The following DNAAF9 variants were observed in gnomAD, a reference collection of about 807,000 sequenced individuals.
DNAAF9 encodes the protein shulin.
A neutral mutation model predicts 167.0 loss-of-function variants in DNAAF9; 90 were observed. That is an observed-to-expected ratio of 0.54 (90% CI 0.45 to 0.64). DNAAF9 has a LOEUF of 0.64. DNAAF9 is among the 30% of genes least tolerant of loss of function. DNAAF9 has a pLI of 0.00. For missense variants in DNAAF9, 1,315 were observed against 1,442.2 expected (o/e 0.91, Z 1.43); for synonymous variants, 491 against 508.8 (o/e 0.96, Z 0.47).
intron 3 of DNAAF9, among the ~76,000 whole-genome samples, chr20:3,380,846 G>A (rs990182591): frequency 4.6e-5 from 7 of 152,242 alleles, no homozygotes; most frequent in South Asian, 2.1e-4. Context: ...GAGTGTCTCA[G>A]TGCTACGGAG....
At chr20:3,259,845 T>C in intron 32 of DNAAF9, 77 bp downstream of exon 32, 2 of 851,440 alleles carry the variant, frequency 2.3e-6, no homozygotes, top group Non-Finnish European at 4.0e-6. Context: ...CATAGAATAC[T>C]GAAATGGTAC....
rs186534298 is a variant in DNAAF9 at position 3,401,648 on chromosome 20, C to T, written c.83+5827G>A. 5.9e-5 allele frequency among the ~76,000 whole-genome samples: 9 copies of T among 152,288 alleles called. No individual in the cohort carries two copies. In the East Asian group the frequency reaches 1.5e-3, roughly 26 times the overall value. On this transcript the variant is annotated intron_variant, in intron 1 of 36. Transcript: ENST00000252032. ...TGAAGCAGTGTTTCATAATAGCTAA[C>T]AATAGCAGTTCATACTCAGCGAGTC...
In DNAAF9 at chr20:3,287,767, A is replaced by G; in HGVS notation, c.2351T>C (p.Met784Thr). 1 of 1,614,232 alleles carries G rather than the reference A, an allele frequency of 6.2e-7. No homozygotes were observed. ...CGRWMVYRQIMDSSECFHAAH... is the reference protein window; with the variant it reads ...CGRWMVYRQITDSSECFHAAH... ...AGCATGAAAACATTCAGAGCTGTCCATGATTTGGCGATACACCATCCATCT... is the reference window on the plus strand; with the variant it reads ...AGCATGAAAACATTCAGAGCTGTCCGTGATTTGGCGATACACCATCCATCT... The change falls in exon 27 of 37, where the codon ATG (methionine) becomes ACG (threonine). Residue 784 changes from methionine to threonine, a missense_variant. Physicochemically the swap from Met to Thr is moderately conservative, Grantham distance 81. Around this residue, in one of 2 missense-constraint regions of DNAAF9, gnomAD observed 981 missense variants for 1,012.5 expected, o/e 0.97. Transcript: ENST00000252032.
chr20:3,268,912 T>TTTTTTTTTTG (rs2068538696), intron 30 of DNAAF9, among the ~76,000 whole-genome samples: 1 of 140,108 alleles, frequency 7.1e-6, no homozygotes, highest in African/African-American at 2.6e-5. Flanking sequence ...TTTTTTTTTT[T>TTTTTTTTTTG]TTTTTTTTTG....
chr20:3,364,751 T>C (rs2083407988), intron 6 of DNAAF9, among the ~76,000 whole-genome samples: 1 of 152,084 alleles, frequency 6.6e-6, no homozygotes, highest in Non-Finnish European at 1.5e-5. Flanking sequence ...ATGCGAACAA[T>C]CAACTGAGCC....
At chr20:3,300,062 T>G (rs1238180960) in intron 21 of DNAAF9, among the ~76,000 whole-genome samples, 1 of 152,084 alleles carries the variant, frequency 6.6e-6, no homozygotes, top group Non-Finnish European at 1.5e-5. Flanking sequence ...GCCACCACAC[T>G]TGCCTAATTT....
rs190159077 is a variant in DNAAF9, at chr20:3,381,671, T to A, written c.164-173A>T. Among the ~76,000 whole-genome samples, 24 of 152,336 alleles carry A rather than the reference T, an allele frequency of 1.6e-4. No individual in the cohort carries two copies. In the East Asian group the frequency reaches 4.4e-3, roughly 28 times the overall value. On this transcript the variant is annotated intron_variant, in intron 2 of 36. Coordinates refer to ENST00000252032, the MANE Select transcript of DNAAF9 (RefSeq NM_001009984.3). ...TCTGTGAAAGAAACAGGTCTCAGCA[T>A]CAAGTACCTTTACTTGAATTCCAAC...
At chr20:3,372,698 T>C (rs2083526493) in intron 6 of DNAAF9, among the ~76,000 whole-genome samples, 1 of 152,158 alleles carries the variant, frequency 6.6e-6, no homozygotes, top group Non-Finnish European at 1.5e-5. Flanking sequence ...AACCAGACCA[T>C]CTGGACCTGG....
At chr20:3,264,318 T>C (rs886608746) in intron 31 of DNAAF9, 120 bp downstream of exon 31, 7 of 635,778 alleles carry the variant, frequency 1.1e-5, no homozygotes, top group Non-Finnish European at 2.0e-5. Flanking sequence ...CCAGCTGCCA[T>C]GTGTCACCCT....
At chr20:3,310,331 GAAAAAGAA>G (rs1158377829) in intron 20 of DNAAF9, among the ~76,000 whole-genome samples, 4 of 79,634 alleles carry the variant, frequency 5.0e-5, no homozygotes, top group Non-Finnish European at 1.1e-4. Context: ...GAAAGAGAAA[GAAAAAGAA>G]AGAAAGAAAG....
chr20:3,383,028 T>C (rs966202160), intron 1 of DNAAF9, among the ~76,000 whole-genome samples: 6 of 152,154 alleles, frequency 3.9e-5, no homozygotes, highest in African/African-American at 1.4e-4. Flanking sequence ...GAATACTTGC[T>C]TCCATTTCTG....
chr20:3,353,139 A>G (rs1719298431), intron 7 of DNAAF9, among the ~76,000 whole-genome samples: 2 of 150,174 alleles, frequency 1.3e-5, no homozygotes, highest in South Asian at 2.1e-4. Context: ...ACATATGTGT[A>G]TATATATGTA....
At chr20:3,261,962 A>C (rs956977565) in intron 31 of DNAAF9, among the ~76,000 whole-genome samples, 1 of 152,110 alleles carries the variant, frequency 6.6e-6, no homozygotes, top group Admixed American at 6.5e-5. Flanking sequence ...GGATGCGAAC[A>C]GAGAAGGATG....
chr20:3,352,601 G>T (rs191034769), intron 7 of DNAAF9, among the ~76,000 whole-genome samples: 199 of 152,128 alleles, frequency 1.3e-3, no homozygotes, highest in African/African-American at 4.4e-3. Context: ...TGTGACCCTG[G>T]GCAAGCAACT....
At chr20:3,283,636 G>T (rs1451695433) in intron 27 of DNAAF9, among the ~76,000 whole-genome samples, 1 of 152,236 alleles carries the variant, frequency 6.6e-6, no homozygotes, top group Non-Finnish European at 1.5e-5. Context: ...GGTAAGCAGG[G>T]CTGGCGTGTG....
rs374973987 is a variant in DNAAF9 at position 3,402,405 on chromosome 20, CTGTT to C, written c.83+5066_83+5069del. ...TTGATGAGTACACTTAATATCCACTCTGTTTGCATTTTTCAAGAATATATAATCA... is the reference window on the plus strand; with the variant it reads ...TTGATGAGTACACTTAATATCCACTCTGCATTTTTCAAGAATATATAATCA... On this transcript the variant is annotated intron_variant, in intron 1 of 36. Transcript: ENST00000252032. Among the ~76,000 whole-genome samples, 812 of 152,082 alleles carry C rather than the reference CTGTT, an allele frequency of 5.3e-3. 6 individuals carry two copies. The highest frequency in any genetic ancestry group is 0.018 in the African/African-American group (756 of 41,456).
intron 10 of DNAAF9, among the ~76,000 whole-genome samples, chr20:3,335,593 C>G (rs1052933204): frequency 3.3e-5 from 5 of 151,462 alleles, no homozygotes; most frequent in Admixed American, 6.6e-5. Context: ...CCTGTCGCTA[C>G]TAAAAATACA....
At chr20:3,293,881 G>T (rs1377685034) in intron 25 of DNAAF9, among the ~76,000 whole-genome samples, 1 of 152,056 alleles carries the variant, frequency 6.6e-6, no homozygotes, top group East Asian at 1.9e-4. Context: ...TTCTTGAGAG[G>T]CCAGGGAAGG....
At chr20:3,340,663 G>A (rs2070065121) in intron 9 of DNAAF9, 24 bp from the exon 10 acceptor site, 1 of 1,612,778 alleles carries the variant, frequency 6.2e-7, no homozygotes, top group Non-Finnish European at 8.5e-7. Context: ...TCAAAAACAT[G>A]TGATTAGAAA....
Sources: allele counts gnomAD v4.1 joint callset (sites outside exome capture counted in the v4.1 genomes callset), GRCh38; gene constraint gnomAD v4.1.1; regional missense constraint gnomAD v4.1.1; transcripts MANE v1.5; gene names NCBI Gene and HGNC (gene_info 2026-07-23, HGNC 2026-07-21).